Variants in EML4 observed in about 807,000 individuals in gnomAD.
EML4 encodes the protein EMAP like 4, also known as echinoderm microtubule-associated protein-like 4.
Under a neutral mutation model 129.0 loss-of-function variants are expected in EML4, and 72 were observed. The observed-to-expected ratio is 0.56, with a 90% CI of 0.46 to 0.68. The LOEUF (loss-of-function observed/expected upper bound fraction) is 0.68, where lower values mean the gene tolerates loss of function less well. EML4 is among the 30% of genes least tolerant of loss of function. EML4 has a pLI of 0.00. For synonymous variants in EML4, 532 were observed against 405.0 expected (o/e 1.31, Z -3.77); for missense variants, 1,363 against 1,190.6 (o/e 1.14, Z -2.13).
chr2:42,189,411 T>C (rs772285634), intron 1 of EML4, among the ~76,000 whole-genome samples: 1 of 152,144 alleles, frequency 6.6e-6, no homozygotes, highest in Non-Finnish European at 1.5e-5. Flanking sequence ...AGACCATGTC[T>C]CTACTAGAGA....
chr2:42,325,600 A>G (rs59891494), intron 20 of EML4, 46 bp downstream of exon 20: 1 of 125,630 alleles, frequency 8.0e-6, no homozygotes, highest in Non-Finnish European at 1.6e-5. Flanking sequence ...CTATGATTAT[A>G]TTTATATATA....
At chr2:42,233,625 A>T (rs2104217009) in intron 1 of EML4, among the ~76,000 whole-genome samples, 1 of 152,250 alleles carries the variant, frequency 6.6e-6, no homozygotes, top group Non-Finnish European at 1.5e-5. Flanking sequence ...AGGTTTCTTA[A>T]TGCTAGTACT....
chr2:42,186,221 A>G (rs1671241280), intron 1 of EML4, among the ~76,000 whole-genome samples: 2 of 152,208 alleles, frequency 1.3e-5, no homozygotes, highest in African/African-American at 4.8e-5. Flanking sequence ...ACATAGCCAA[A>G]ATAAGGAGAT....
intron 1 of EML4, among the ~76,000 whole-genome samples, chr2:42,233,832 C>G (rs1316183684): frequency 6.6e-6 from 1 of 151,820 alleles, no homozygotes; most frequent in Non-Finnish European, 1.5e-5. Context: ...TTAAATAAAA[C>G]AAAAGGAAAA....
intron 17 of EML4, among the ~76,000 whole-genome samples, chr2:42,309,120 T>TA (rs1312159744): frequency 2.6e-5 from 4 of 152,096 alleles, no homozygotes; most frequent in African/African-American, 9.7e-5. Context: ...GTTTAACATT[T>TA]TAAGACCAGG....
rs566921568 is a variant in EML4 at position 42,284,685 on chromosome 2, C to T, written c.993C>T (p.Gly331=). 8.1e-6 allele frequency: 13 copies of T among 1,611,892 alleles called. 1 individual carries two copies. Among genetic ancestry groups the T allele is most frequent in the East Asian group, 6.7e-5 (3 of 44,734 alleles). The part of the protein sequence containing the change: ...KIRIATGQIA[G]VDKDGRPLQP... ...GGATTGCAACTGGACAGATAGCTGGCGTGGATAAAGATGGAAGGGTGAGTG... is the reference window on the plus strand; with the variant it reads ...GGATTGCAACTGGACAGATAGCTGGTGTGGATAAAGATGGAAGGGTGAGTG... Residue 331 remains glycine, a synonymous_variant, in exon 9 of 23, where the codon GGC becomes GGT. Coordinates refer to ENST00000318522, the MANE Select transcript of EML4 (RefSeq NM_019063.5).
chr2:42,262,249 G>A (rs1346183762), intron 4 of EML4, among the ~76,000 whole-genome samples: 1 of 152,020 alleles, frequency 6.6e-6, no homozygotes, highest in Non-Finnish European at 1.5e-5. Context: ...TCACTTGATC[G>A]ATGCATGTTT....
intron 1 of EML4, among the ~76,000 whole-genome samples, chr2:42,202,283 A>G (rs1322503775): frequency 1.3e-5 from 2 of 152,054 alleles, no homozygotes; most frequent in Non-Finnish European, 2.9e-5. Context: ...GCTCACACCT[A>G]TAATCTCAGT....
chr2:42,229,927 A>G (rs1674220189), intron 1 of EML4, among the ~76,000 whole-genome samples: 1 of 151,920 alleles, frequency 6.6e-6, no homozygotes. Context: ...GGATATTCAG[A>G]GAAAGAAAAA....
intron 6 of EML4, chr2:42,265,098 C>CT (rs147902234): frequency 0.086 from 57,987 of 677,468 alleles, 994 homozygotes; most frequent in South Asian, 0.12. Context: ...CTACATTTTA[C>CT]TTTTTTTTTT....
chr2:42,169,669 C>G (rs1017803934), intron 1 of EML4, 33 bp downstream of exon 1: 1 of 1,595,492 alleles, frequency 6.3e-7, no homozygotes, highest in Non-Finnish European at 8.5e-7. Flanking sequence ...GCGTCTTCTG[C>G]GAAGGGTAGG....
At chr2:42,241,247 A>C (rs75417332) in intron 1 of EML4, among the ~76,000 whole-genome samples, 1,809 of 152,308 alleles carry the variant, frequency 0.012, 33 homozygotes, top group African/African-American at 0.041. Context: ...ATTCTCAAAG[A>C]AATTCATGCC....
At chr2:42,270,141 T>G (rs1401453486) in intron 6 of EML4, among the ~76,000 whole-genome samples, 1 of 152,232 alleles carries the variant, frequency 6.6e-6, no homozygotes, top group East Asian at 1.9e-4. Flanking sequence ...AGGCTTAGAT[T>G]AGATATCACT....
intron 14 of EML4, among the ~76,000 whole-genome samples, chr2:42,301,807 G>C (rs1442867825): frequency 6.6e-6 from 1 of 152,000 alleles, no homozygotes; most frequent in African/African-American, 2.4e-5. Flanking sequence ...TTTCCAGGAA[G>C]ATAGATAATA....
In EML4 at chr2:42,184,470, A is replaced by G. The variant is rs932627480; in HGVS notation, c.25+14834A>G. Among the ~76,000 whole-genome samples the G allele has an allele frequency of 1.5e-4, 21 of 144,526 alleles. No homozygotes were observed. In the East Asian group the frequency reaches 2.9e-3, roughly 20 times the overall value. 94.8% of individuals were successfully genotyped at this position (144,526 alleles called of 152,430 possible). ...TTAAGAACTTTCATCTCAAGTTTCT[A>G]TGAGATAAACTCTAGTATGGTGTCC... On this transcript the variant is annotated intron_variant, in intron 1 of 22. Coordinates refer to ENST00000318522, the MANE Select transcript of EML4 (RefSeq NM_019063.5).
chr2:42,256,491 T>C lies in EML4; in HGVS notation c.209-10T>C. On this transcript the variant is annotated splice_polypyrimidine_tract_variant and intron_variant, in intron 2 of 22. Transcript: ENST00000318522. ...AATTTGATATAATTTTTTTCCTTAA[T>C]TATCTTTAGGCCAACCAAGCCCTCG... 6.3e-7 allele frequency: 1 copy of C among 1,578,488 alleles called. No individual in the cohort carries two copies. The highest frequency in any genetic ancestry group is 8.6e-7 in the Non-Finnish European group (1 of 1,166,950).
intron 3 of EML4, among the ~76,000 whole-genome samples, chr2:42,260,017 A>C (rs140078243): frequency 6.6e-6 from 1 of 150,694 alleles, no homozygotes; most frequent in African/African-American, 2.4e-5. Context: ...GGCGTGAGCC[A>C]CTGTGCCTGG....
chr2:42,278,532 C>T (rs992594001), intron 6 of EML4, among the ~76,000 whole-genome samples: 8 of 123,142 alleles, frequency 6.5e-5, no homozygotes, highest in South Asian at 2.6e-4. Flanking sequence ...CGAGCTCATG[C>T]GACTGCACTC....
rs374870873 is a variant in EML4, at chr2:42,249,312, A to G, written c.208+3625A>G. Reference sequence around the variant, plus strand: ...TGTGTGATTTTTTAGCCCCTGTGAAATTAGAATTTATAGTATCGAGTATCA... The same window carrying G: ...TGTGTGATTTTTTAGCCCCTGTGAAGTTAGAATTTATAGTATCGAGTATCA... On this transcript the variant is annotated intron_variant, in intron 2 of 22. Transcript: ENST00000318522. Among the ~76,000 whole-genome samples, 16 of 151,194 alleles carry G rather than the reference A, an allele frequency of 1.1e-4. No homozygotes were observed. In the East Asian group the frequency reaches 2.3e-3, roughly 22 times the overall value.
Sources: gnomAD v4.1 joint callset for allele counts (sites outside exome capture counted in the v4.1 genomes callset) on GRCh38, gnomAD v4.1.1 for gene constraint, MANE v1.5 for transcripts, NCBI Gene and HGNC (gene_info 2026-07-23, HGNC 2026-07-21) for gene names.